The following ITFG1 variants were observed in gnomAD, a reference collection of about 807,000 sequenced individuals.
The protein encoded by ITFG1 is integrin alpha FG-GAP repeat containing 1.
ITFG1 carries 34 observed loss-of-function variants against 81.8 expected under a neutral mutation model. That is an observed-to-expected ratio of 0.42 (90% CI 0.32 to 0.55). ITFG1 has a LOEUF of 0.55. ITFG1 is among the 20% of genes least tolerant of loss of function. The pLI is 0.17. For missense variants in ITFG1, 672 were observed against 755.4 expected (o/e 0.89, Z 1.29); for synonymous variants, 285 against 270.6 (o/e 1.05, Z -0.52).
chr16:47,417,523 T>G (rs1193419361), intron 6 of ITFG1, among the ~76,000 whole-genome samples: 1 of 152,216 alleles, frequency 6.6e-6, no homozygotes, highest in Non-Finnish European at 1.5e-5. Context: ...TTTATACCCA[T>G]TAACCACTCT....
At chr16:47,290,567 C>G (rs1966893579) in intron 10 of ITFG1, among the ~76,000 whole-genome samples, 1 of 152,012 alleles carries the variant, frequency 6.6e-6, no homozygotes, top group South Asian at 2.1e-4. Context: ...ATAATAATTA[C>G]TTTGTCTGTT....
chr16:47,293,162 ATAAT>A (rs1439169565), intron 10 of ITFG1, among the ~76,000 whole-genome samples: 2 of 147,682 alleles, frequency 1.4e-5, no homozygotes, highest in Non-Finnish European at 3.0e-5. Flanking sequence ...AGCATGATAT[ATAAT>A]ATATATCATA....
At chr16:47,423,812 G>A (rs1035794643) in intron 6 of ITFG1, among the ~76,000 whole-genome samples, 2 of 152,150 alleles carry the variant, frequency 1.3e-5, no homozygotes, top group East Asian at 1.9e-4. Context: ...TAGTCTGATC[G>A]GCTTCCCTTT....
At chr16:47,450,534 C>T in intron 5 of ITFG1, 1 of 276,044 alleles carries the variant, frequency 3.6e-6, no homozygotes, top group Non-Finnish European at 7.2e-6. Context: ...TACTCCTCTG[C>T]ATACCTACAA....
chr16:47,449,288 A>G (rs1019853406), intron 5 of ITFG1: 1 of 152,252 alleles, frequency 6.6e-6, no homozygotes, highest in Admixed American at 6.5e-5. Context: ...CTTGATAAAT[A>G]AAAGATTAGG....
At chr16:47,230,098 A>C (rs1283991384) in intron 13 of ITFG1, among the ~76,000 whole-genome samples, 1 of 152,166 alleles carries the variant, frequency 6.6e-6, no homozygotes, top group Non-Finnish European at 1.5e-5. Flanking sequence ...CCGAGGTTGC[A>C]GGCATCCACT....
At chr16:47,375,813 TA>T in intron 7 of ITFG1, 62 bp downstream of exon 7, 2 of 1,009,666 alleles carry the variant, frequency 2.0e-6, no homozygotes, top group Non-Finnish European at 3.2e-6. Context: ...TTTTATTTTC[TA>T]AAATTGTGTG....
intron 8 of ITFG1, among the ~76,000 whole-genome samples, chr16:47,357,352 C>T (rs1005468426): frequency 2.4e-4 from 37 of 152,014 alleles, no homozygotes; most frequent in Admixed American, 6.5e-4. Context: ...CAGTGGCTCC[C>T]GCCTGTAATC....
intron 6 of ITFG1, 53 bp from the exon 7 acceptor site, chr16:47,375,993 C>A: frequency 1.0e-6 from 1 of 990,414 alleles, no homozygotes; most frequent in Non-Finnish European, 1.5e-6. Context: ...CTGATGTGTA[C>A]ATTTAAAAAC....
chr16:47,278,068 C>G (rs1398256663), intron 10 of ITFG1, among the ~76,000 whole-genome samples: 1 of 152,142 alleles, frequency 6.6e-6, no homozygotes, highest in East Asian at 1.9e-4. Flanking sequence ...CCTGTGTTCC[C>G]TCATACTCCT....
chr16:47,247,621 C>T (rs1392345689), intron 12 of ITFG1, among the ~76,000 whole-genome samples: 2 of 152,104 alleles, frequency 1.3e-5, no homozygotes, highest in South Asian at 2.1e-4. Context: ...AATCACTTCA[C>T]CTCTCTCTCT....
chr16:47,328,899 TG>T (rs1967599806), intron 8 of ITFG1, among the ~76,000 whole-genome samples: 1 of 152,180 alleles, frequency 6.6e-6, no homozygotes, highest in Non-Finnish European at 1.5e-5. Context: ...TCCTATTTTT[TG>T]CTTTATACAT....
intron 10 of ITFG1, among the ~76,000 whole-genome samples, chr16:47,261,363 A>C (rs1041939578): frequency 6.6e-6 from 1 of 152,232 alleles, no homozygotes; most frequent in African/African-American, 2.4e-5. Flanking sequence ...TAATAAGAGT[A>C]CTTAGAGCAT....
intron 9 of ITFG1, 118 bp downstream of exon 9, chr16:47,313,611 G>A (rs147240473): frequency 9.6e-6 from 4 of 417,526 alleles, no homozygotes; most frequent in African/African-American, 4.1e-5. Context: ...TGAGGAAGTC[G>A]GTAACTTAAT....
intron 10 of ITFG1, among the ~76,000 whole-genome samples, chr16:47,271,511 G>A (rs570326113): frequency 2.2e-4 from 34 of 152,268 alleles, no homozygotes; most frequent in Middle Eastern, 3.4e-3. Context: ...TAATGTAGAC[G>A]GGAATATAAA....
chr16:47,359,640 T>A (rs1180906596), intron 8 of ITFG1, among the ~76,000 whole-genome samples: 3 of 152,218 alleles, frequency 2.0e-5, no homozygotes, highest in Non-Finnish European at 4.4e-5. Flanking sequence ...GTTACCTTTG[T>A]CCACAAAGCA....
At chr16:47,230,583 A>G (rs975164602) in intron 13 of ITFG1, among the ~76,000 whole-genome samples, 10 of 152,212 alleles carry the variant, frequency 6.6e-5, no homozygotes, top group Non-Finnish European at 1.0e-4. Context: ...GGCCAGATGC[A>G]TAGGCCAAAT....
chr16:47,330,516 A>C (rs1238047194), intron 8 of ITFG1, among the ~76,000 whole-genome samples: 2 of 152,134 alleles, frequency 1.3e-5, no homozygotes, highest in Non-Finnish European at 2.9e-5. Context: ...AAAAAACCTA[A>C]ACTATCAACA....
intron 6 of ITFG1, among the ~76,000 whole-genome samples, chr16:47,400,517 T>C (rs1219674149): frequency 6.7e-6 from 1 of 149,210 alleles, no homozygotes; most frequent in Non-Finnish European, 1.5e-5. Context: ...GTGTCAGGAG[T>C]TGGAGCAAAA....
Sources: allele counts gnomAD v4.1 joint callset (sites outside exome capture counted in the v4.1 genomes callset), GRCh38; gene constraint gnomAD v4.1.1; transcripts MANE v1.5; gene names NCBI Gene and HGNC (gene_info 2026-07-23, HGNC 2026-07-21).